CAMK1D: variants seen among roughly 807,000 people sequenced by gnomAD.
CAMK1D encodes calcium/calmodulin-dependent protein kinase type 1D.
Under a neutral mutation model 47.7 loss-of-function variants are expected in CAMK1D, and 9 were observed. The ratio of observed to expected loss-of-function variants is 0.19; its 90% confidence interval spans 0.11 to 0.33. The LOEUF is 0.33. Among genes scored for constraint, CAMK1D ranks in the 10% least tolerant of loss-of-function variants. CAMK1D has a pLI of 1.00. For synonymous variants in CAMK1D, 184 were observed against 184.9 expected (o/e 0.99, Z 0.04); for missense variants, 291 against 488.7 (o/e 0.60, Z 3.81).
In CAMK1D at chr10:12,615,151, C is replaced by T. The variant is rs140894521; in HGVS notation, c.225-51585C>T. 2.0e-3 allele frequency among the ~76,000 whole-genome samples: 301 copies of T among 152,162 alleles called. 2 individuals are homozygous for T. The highest frequency in any genetic ancestry group is 6.6e-3 in the African/African-American group (276 of 41,530). ...GGAGTCTCTGGGACCGGAGGATGGG[C>T]GAGAGGAGGCAGAATTGGTGGAGTT... On this transcript the variant is annotated intron_variant, in intron 2 of 10. Transcript: ENST00000619168.
At chr10:12,768,477 A>C (rs527428710) in intron 4 of CAMK1D, among the ~76,000 whole-genome samples, 1 of 152,272 alleles carries the variant, frequency 6.6e-6, no homozygotes, top group African/African-American at 2.4e-5. Context: ...GCTGGATGGG[A>C]AATGCTGTGG....
chr10:12,478,018 T>C (rs1305975067), intron 1 of CAMK1D, among the ~76,000 whole-genome samples: 1 of 151,308 alleles, frequency 6.6e-6, no homozygotes, highest in Non-Finnish European at 1.5e-5. Context: ...CTTTTTTTTT[T>C]TTTTGGAGAC....
chr10:12,747,815 A>G (rs78026097), intron 3 of CAMK1D, among the ~76,000 whole-genome samples: 4,204 of 152,190 alleles, frequency 0.028, 121 homozygotes, highest in African/African-American at 0.067. Context: ...GAAAAAGCCA[A>G]TGTCCCAGCT....
At chr10:12,445,517 C>A (rs1832900435) in intron 1 of CAMK1D, among the ~76,000 whole-genome samples, 1 of 152,120 alleles carries the variant, frequency 6.6e-6, no homozygotes, top group African/African-American at 2.4e-5. Context: ...CCCTTACAGA[C>A]TGGGCAGAAG....
At chr10:12,590,699 A>G (rs1385280873) in intron 2 of CAMK1D, among the ~76,000 whole-genome samples, 2 of 152,240 alleles carry the variant, frequency 1.3e-5, no homozygotes, top group Non-Finnish European at 2.9e-5. Flanking sequence ...GCAGACGTAA[A>G]GCTGCCGCCT....
At chr10:12,754,143 A>G (rs572297212) in intron 3 of CAMK1D, among the ~76,000 whole-genome samples, 7 of 152,218 alleles carry the variant, frequency 4.6e-5, no homozygotes, top group African/African-American at 1.7e-4. Flanking sequence ...CACCCACCTC[A>G]GCTGCCCAAA....
chr10:12,393,326 T>C (rs1838815434), intron 1 of CAMK1D, among the ~76,000 whole-genome samples: 1 of 152,196 alleles, frequency 6.6e-6, no homozygotes, highest in Admixed American at 6.5e-5. Flanking sequence ...ACACTGCGCC[T>C]GGCCTTTTCT....
chr10:12,737,270 G>A (rs1044505431), intron 3 of CAMK1D, among the ~76,000 whole-genome samples: 3 of 151,970 alleles, frequency 2.0e-5, no homozygotes, highest in African/African-American at 7.3e-5. Flanking sequence ...ACTGGCCAGG[G>A]GCAGCAGCCT....
chr10:12,628,618 T>C (rs752098057), intron 2 of CAMK1D, among the ~76,000 whole-genome samples: 9 of 152,324 alleles, frequency 5.9e-5, no homozygotes, highest in Non-Finnish European at 1.2e-4. Context: ...GATGAGCCAG[T>C]ATTGGTACAT....
chr10:12,497,448 G>A (rs979223460), intron 1 of CAMK1D, among the ~76,000 whole-genome samples: 1 of 140,722 alleles, frequency 7.1e-6, no homozygotes, highest in Non-Finnish European at 1.5e-5. Flanking sequence ...CTGCACCTCA[G>A]CCTGGTGACG....
chr10:12,458,052 A>G (rs772027730), intron 1 of CAMK1D, among the ~76,000 whole-genome samples: 5 of 152,218 alleles, frequency 3.3e-5, no homozygotes, highest in Non-Finnish European at 7.3e-5. Context: ...TTGACTTTGA[A>G]TGAGACCAAG....
At chr10:12,508,649 G>A (rs1443799055) in intron 1 of CAMK1D, among the ~76,000 whole-genome samples, 1 of 152,184 alleles carries the variant, frequency 6.6e-6, no homozygotes, top group Non-Finnish European at 1.5e-5. Flanking sequence ...TAAATTTTAT[G>A]TGACATATAT....
intron 4 of CAMK1D, among the ~76,000 whole-genome samples, chr10:12,765,483 C>G (rs1400799963): frequency 6.6e-6 from 1 of 152,188 alleles, no homozygotes; most frequent in East Asian, 1.9e-4. Flanking sequence ...ACAAAGGCCC[C>G]TTTGAGTCCT....
intron 2 of CAMK1D, among the ~76,000 whole-genome samples, chr10:12,607,269 A>G (rs977155396): frequency 6.6e-6 from 1 of 152,188 alleles, no homozygotes; most frequent in African/African-American, 2.4e-5. Context: ...ACTGGGCTTT[A>G]AAGCCAAGTA....
At chr10:12,408,733 C>T (rs1839540222) in intron 1 of CAMK1D, among the ~76,000 whole-genome samples, 1 of 152,130 alleles carries the variant, frequency 6.6e-6, no homozygotes, top group Admixed American at 6.5e-5. Context: ...ATGCTGCAAA[C>T]AGTACGTGGT....
At chr10:12,597,002 A>G (rs1053113906) in intron 2 of CAMK1D, among the ~76,000 whole-genome samples, 1 of 152,046 alleles carries the variant, frequency 6.6e-6, no homozygotes, top group African/African-American at 2.4e-5. Flanking sequence ...TGAGGCTATT[A>G]TCTCTGGAGC....
At chr10:12,577,105 G>T (rs140068105) in intron 2 of CAMK1D, among the ~76,000 whole-genome samples, 4 of 152,148 alleles carry the variant, frequency 2.6e-5, no homozygotes, top group African/African-American at 9.7e-5. Context: ...AGGAGGTGAC[G>T]GCCACCTTGA....
intron 1 of CAMK1D, among the ~76,000 whole-genome samples, chr10:12,428,294 C>T (rs1840320462): frequency 6.6e-6 from 1 of 152,044 alleles, no homozygotes; most frequent in Non-Finnish European, 1.5e-5. Flanking sequence ...GCCTAGAATC[C>T]CTGCTGGCTT....
At chr10:12,757,460 A>T (rs997832443) in intron 3 of CAMK1D, among the ~76,000 whole-genome samples, 1 of 152,160 alleles carries the variant, frequency 6.6e-6, no homozygotes, top group Non-Finnish European at 1.5e-5. Context: ...TGACTCAAAA[A>T]AAACCTCTCA....
Sources: allele counts gnomAD v4.1 joint callset (sites outside exome capture counted in the v4.1 genomes callset), GRCh38; gene constraint gnomAD v4.1.1; transcripts MANE v1.5; gene names NCBI Gene and HGNC (gene_info 2026-07-23, HGNC 2026-07-21).